The following MICU2 variants were observed in gnomAD, a reference collection of about 807,000 sequenced individuals.
The protein encoded by MICU2 is mitochondrial calcium uptake 2.
MICU2 carries 64 observed loss-of-function variants against 60.4 expected under a neutral mutation model. The ratio of observed to expected loss-of-function variants is 1.06; its 90% CI spans 0.87 to 1.31. The LOEUF (loss-of-function observed/expected upper bound fraction) is 1.31, where lower values mean the gene tolerates loss of function less well. Ranked by LOEUF, MICU2 falls within the 50% of genes most tolerant of loss-of-function variation. The pLI is 0.00. For missense variants in MICU2, 569 were observed against 531.0 expected, an observed-to-expected ratio of 1.07 and a Z score of -0.70; for synonymous variants, 201 against 175.0, an observed-to-expected ratio of 1.15 and a Z score of -1.17.
intron 2 of MICU2, among the ~76,000 whole-genome samples, chr13:21,552,124 T>C (rs551223818): frequency 6.6e-6 from 1 of 152,322 alleles, no homozygotes; most frequent in African/African-American, 2.4e-5. Flanking sequence ...ATGATCGCCA[T>C]TCTAACTGGT....
chr13:21,569,812 G>A (rs940808170), intron 1 of MICU2, among the ~76,000 whole-genome samples: 4 of 147,176 alleles, frequency 2.7e-5, no homozygotes, highest in African/African-American at 1.0e-4. Context: ...TGTCATCTTC[G>A]TTTTACAAAA....
chr13:21,585,195 T>C (rs545676371), intron 1 of MICU2, among the ~76,000 whole-genome samples: 1 of 152,362 alleles, frequency 6.6e-6, no homozygotes, highest in Admixed American at 6.5e-5. Flanking sequence ...CTTTTCATAA[T>C]CTAGCCATTT....
chr13:21,524,417 A>G (rs1445302374), intron 4 of MICU2, among the ~76,000 whole-genome samples: 1 of 152,134 alleles, frequency 6.6e-6, no homozygotes, highest in Non-Finnish European at 1.5e-5. Context: ...CAGCCTGTAT[A>G]TCTAAAAAAA....
intron 11 of MICU2, among the ~76,000 whole-genome samples, chr13:21,494,486 TC>T (rs1885941055): frequency 6.6e-6 from 1 of 152,230 alleles, no homozygotes; most frequent in South Asian, 2.1e-4. Context: ...TACTTCATAA[TC>T]TCAGCCACTA....
intron 2 of MICU2, among the ~76,000 whole-genome samples, chr13:21,560,392 AC>A (rs1887812430): frequency 6.6e-6 from 1 of 152,000 alleles, no homozygotes; most frequent in South Asian, 2.1e-4. Flanking sequence ...TTATAATGCC[AC>A]CTCTCTCATA....
rs76411085 is a variant in MICU2 at position 21,540,847 on chromosome 13, T to C, written c.359-1159A>G. 1.1e-4 allele frequency among the ~76,000 whole-genome samples: 17 copies of C among 151,950 alleles called. No homozygotes were observed. In the East Asian group the frequency reaches 1.9e-3, roughly 17 times the overall value. Reference sequence around the variant, plus strand: ...CATTTATTGGACAAATCTAAGTGAGTGAATGTGTATATAATACGTAGTCAT... The same window carrying C: ...CATTTATTGGACAAATCTAAGTGAGCGAATGTGTATATAATACGTAGTCAT... On this transcript the variant is annotated intron_variant, in intron 2 of 11. Coordinates refer to ENST00000382374, the MANE Select transcript of MICU2 (RefSeq NM_152726.3).
chr13:21,552,338 T>C (rs1265464077), intron 2 of MICU2, among the ~76,000 whole-genome samples: 1 of 152,214 alleles, frequency 6.6e-6, no homozygotes, highest in Non-Finnish European at 1.5e-5. Flanking sequence ...TAGCCCTTTG[T>C]CAGAGAGTAG....
chr13:21,521,951 A>G (rs1266860937), intron 5 of MICU2, among the ~76,000 whole-genome samples: 5 of 151,848 alleles, frequency 3.3e-5, no homozygotes. Flanking sequence ...CAAATTTTTA[A>G]TTTTTTTTGT....
intron 7 of MICU2, among the ~76,000 whole-genome samples, chr13:21,512,380 T>C (rs1009498331): frequency 6.6e-6 from 1 of 152,220 alleles, no homozygotes; most frequent in African/African-American, 2.4e-5. Flanking sequence ...GCAAGTATCT[T>C]CTTCCATTAT....
intron 4 of MICU2, 89 bp downstream of exon 4, chr13:21,539,213 C>T (rs1887213343): frequency 8.7e-7 from 1 of 1,151,188 alleles, no homozygotes; most frequent in East Asian, 2.5e-5. Flanking sequence ...TATTAAATAA[C>T]ATGGTACAAA....
intron 2 of MICU2, among the ~76,000 whole-genome samples, chr13:21,564,503 T>A (rs920217264): frequency 9.9e-5 from 15 of 152,170 alleles, no homozygotes; most frequent in African/African-American, 2.4e-5. Flanking sequence ...GAGGTACGTA[T>A]TGTACAGTCC....
At chr13:21,535,105 T>C (rs772541512) in intron 4 of MICU2, among the ~76,000 whole-genome samples, 1 of 152,210 alleles carries the variant, frequency 6.6e-6, no homozygotes, top group Non-Finnish European at 1.5e-5. Flanking sequence ...ATTAATCTCT[T>C]ATCTCTCAAT....
At chr13:21,589,657 G>A (rs1888534593) in intron 1 of MICU2, among the ~76,000 whole-genome samples, 1 of 151,896 alleles carries the variant, frequency 6.6e-6, no homozygotes, top group Non-Finnish European at 1.5e-5. Context: ...TCAATCACCT[G>A]TTCCACCCTG....
rs572744690 is a variant in MICU2, at chr13:21,586,388, TC to T, written c.210+17550del. Among the ~76,000 whole-genome samples the T allele has an allele frequency of 9.2e-5, 14 of 152,306 alleles. No individual in the cohort carries two copies. The South Asian group carries it at 2.9e-3, about 32-fold the overall frequency. On this transcript the variant is annotated intron_variant, in intron 1 of 11. Transcript: ENST00000382374. ...AAAAATATCCCTGCTGCTATGAAAA[TC>T]CAACTTTTCTACTTGTGTTTTTTGT...
At position 21,566,875 on chromosome 13, in the gene MICU2, A is replaced by G. The variant is rs765326422; in HGVS notation, c.280T>C (p.Ser94Pro). 1.2e-6 allele frequency: 2 copies of G among 1,613,390 alleles called. No homozygotes were observed. The highest frequency in any genetic ancestry group is 1.7e-5 in the Admixed American group (1 of 59,916). Residue 94 changes from serine to proline, a missense_variant, in exon 2 of 12, where the codon TCT (serine) becomes CCT (proline). By Grantham distance (74) the Ser-to-Pro change is moderately conservative. Coordinates refer to ENST00000382374, the MANE Select transcript of MICU2 (RefSeq NM_152726.3). ...TATTCTCCTTCATGTTCGAGTGAAG[A>G]AAACTGCATGAAGCGCTGCTTACGA... ...SLRKQRFMQF[S>P]SLEHEGEYYM...
intron 8 of MICU2, among the ~76,000 whole-genome samples, chr13:21,504,757 C>T (rs1367118549): frequency 1.3e-5 from 2 of 152,092 alleles, no homozygotes; most frequent in Non-Finnish European, 2.9e-5. Context: ...GTGGCGCGTA[C>T]AGGCTGTGAG....
At chr13:21,515,245 C>T (rs1271305885) in intron 6 of MICU2, among the ~76,000 whole-genome samples, 2 of 151,614 alleles carry the variant, frequency 1.3e-5, no homozygotes, top group South Asian at 2.1e-4. Flanking sequence ...CCATGCCTGG[C>T]TAATTTTTTT....
At chr13:21,578,088 G>T (rs1010690632) in intron 1 of MICU2, among the ~76,000 whole-genome samples, 1 of 152,138 alleles carries the variant, frequency 6.6e-6, no homozygotes, top group Non-Finnish European at 1.5e-5. Flanking sequence ...GTCCTCCCTT[G>T]TGGGCATATA....
At chr13:21,507,263 C>G (rs534332200) in intron 8 of MICU2, among the ~76,000 whole-genome samples, 21 of 151,920 alleles carry the variant, frequency 1.4e-4, no homozygotes, top group Non-Finnish European at 2.4e-4. Flanking sequence ...CAAAATCATT[C>G]CCATTGAAGA....
Sources: allele counts gnomAD v4.1 joint callset (sites outside exome capture counted in the v4.1 genomes callset), GRCh38; gene constraint gnomAD v4.1.1; transcripts MANE v1.5; gene names NCBI Gene and HGNC (gene_info 2026-07-23, HGNC 2026-07-21).